MSRA: variants seen among roughly 807,000 people sequenced by gnomAD.
MSRA encodes methionine sulfoxide reductase A.
A neutral mutation model predicts 31.3 loss-of-function variants in MSRA; 54 were observed. That is an observed-to-expected ratio of 1.73 (90% CI 1.39 to 2.17). The LOEUF (loss-of-function observed/expected upper bound fraction) is 2.17, where lower values mean the gene tolerates loss of function less well. MSRA is among the 30% of genes most tolerant of loss of function. The probability of loss-of-function intolerance (pLI) is 0.00; values close to 1 mark genes in which losing one functional copy is unlikely to be tolerated. For missense variants in MSRA, 507 were observed against 300.9 expected, an observed-to-expected ratio of 1.69 and a Z score of -5.07; for synonymous variants, 169 against 116.5, an observed-to-expected ratio of 1.45 and a Z score of -2.90.
chr8:10,256,636 A>C (rs967777203), intron 3 of MSRA, among the ~76,000 whole-genome samples: 4 of 152,112 alleles, frequency 2.6e-5, no homozygotes, highest in Non-Finnish European at 5.9e-5. Flanking sequence ...AAGAATTCAG[A>C]CGGCACCTCT....
At chr8:10,248,534 T>A (rs572280518) in intron 3 of MSRA, among the ~76,000 whole-genome samples, 1 of 152,176 alleles carries the variant, frequency 6.6e-6, no homozygotes, top group South Asian at 2.1e-4. Flanking sequence ...GCTGTGCCAG[T>A]GGGTCTGCAC....
chr8:10,371,253 G>A (rs149730269), intron 5 of MSRA, among the ~76,000 whole-genome samples: 12 of 152,176 alleles, frequency 7.9e-5, no homozygotes, highest in Non-Finnish European at 1.5e-4. Flanking sequence ...GAGCCATCCC[G>A]GCCTCTAGAG....
At chr8:10,094,545 T>G (rs771429448) in intron 1 of MSRA, among the ~76,000 whole-genome samples, 14 of 152,232 alleles carry the variant, frequency 9.2e-5, no homozygotes, top group Non-Finnish European at 1.9e-4. Context: ...CTGAGGAGAT[T>G]AGATAGATTA....
intron 2 of MSRA, among the ~76,000 whole-genome samples, chr8:10,221,086 C>A (rs547726564): frequency 5.2e-4 from 79 of 152,302 alleles, no homozygotes; most frequent in Non-Finnish European, 9.8e-4. Flanking sequence ...GGGGAAAGCC[C>A]AATAGCATGG....
intron 1 of MSRA, 66 bp downstream of exon 1, chr8:10,054,724 AGCGC>A: frequency 1.4e-6 from 2 of 1,382,708 alleles, no homozygotes; most frequent in Non-Finnish European, 1.9e-6. Context: ...GCCCGGCGGC[AGCGC>A]GCCCGCTGCC....
At chr8:10,239,072 A>G (rs1448001738) in intron 2 of MSRA, among the ~76,000 whole-genome samples, 1 of 152,212 alleles carries the variant, frequency 6.6e-6, no homozygotes. Flanking sequence ...AGAAAAATGA[A>G]CAGAGGCACT....
intron 1 of MSRA, among the ~76,000 whole-genome samples, chr8:10,123,732 G>C (rs1015423902): frequency 1.3e-5 from 2 of 151,988 alleles, no homozygotes; most frequent in Non-Finnish European, 2.9e-5. Context: ...CAGTTATCCC[G>C]GCACCATTTA....
chr8:10,154,897 T>G (rs1383705790), intron 1 of MSRA, among the ~76,000 whole-genome samples: 5 of 151,582 alleles, frequency 3.3e-5, no homozygotes, highest in Admixed American at 6.6e-5. Flanking sequence ...AAATGTTCTT[T>G]AATATTGATT....
At chr8:10,104,650 G>C (rs1383639164) in intron 1 of MSRA, among the ~76,000 whole-genome samples, 2 of 152,214 alleles carry the variant, frequency 1.3e-5, no homozygotes, top group Admixed American at 1.3e-4. Flanking sequence ...GCAGGTTTCA[G>C]AGAGAATAGA....
intron 5 of MSRA, among the ~76,000 whole-genome samples, chr8:10,347,209 C>T (rs79564435): frequency 0.013 from 1,955 of 152,296 alleles, 133 homozygotes; most frequent in Admixed American, 0.091. Context: ...TGCACCGTGT[C>T]TGGCTCCAGT....
chr8:10,130,604 G>T (rs181902929), intron 1 of MSRA, among the ~76,000 whole-genome samples: 3 of 152,218 alleles, frequency 2.0e-5, no homozygotes, highest in African/African-American at 7.2e-5. Context: ...AATAATCTTG[G>T]CGTCACTATG....
intron 1 of MSRA, among the ~76,000 whole-genome samples, chr8:10,174,029 A>G (rs1461196368): frequency 1.3e-5 from 2 of 152,162 alleles, no homozygotes; most frequent in Non-Finnish European, 1.5e-5. Context: ...TCTACATGGT[A>G]TCTTCTAGCT....
At chr8:10,405,045 G>T (rs1251378193) in intron 5 of MSRA, among the ~76,000 whole-genome samples, 1 of 152,198 alleles carries the variant, frequency 6.6e-6, no homozygotes, top group Non-Finnish European at 1.5e-5. Context: ...GTTTCCCGGA[G>T]TGTGGTCTGG....
intron 5 of MSRA, among the ~76,000 whole-genome samples, chr8:10,395,523 C>G (rs964986876): frequency 6.6e-6 from 1 of 152,174 alleles, no homozygotes; most frequent in African/African-American, 2.4e-5. Context: ...ATCAGTCTAG[C>G]AGAGGCCAGA....
chr8:10,130,132 A>G (rs552558127), intron 1 of MSRA, among the ~76,000 whole-genome samples: 16 of 152,308 alleles, frequency 1.1e-4, no homozygotes, highest in Admixed American at 2.0e-4. Context: ...GACGCTAAAC[A>G]TTCATCAGAC....
chr8:10,394,220 C>G (rs541901889), intron 5 of MSRA, among the ~76,000 whole-genome samples: 1 of 152,112 alleles, frequency 6.6e-6, no homozygotes, highest in Non-Finnish European at 1.5e-5. Flanking sequence ...TTTATTGTAG[C>G]GAAACCAAAG....
intron 5 of MSRA, among the ~76,000 whole-genome samples, chr8:10,393,702 C>T (rs1236488261): frequency 6.6e-6 from 1 of 152,182 alleles, no homozygotes; most frequent in Admixed American, 6.5e-5. Flanking sequence ...TAGTTTATGA[C>T]CTGCACACGG....
At chr8:10,256,617 A>G (rs1006932861) in intron 3 of MSRA, among the ~76,000 whole-genome samples, 2 of 152,176 alleles carry the variant, frequency 1.3e-5, no homozygotes, top group Admixed American at 6.5e-5. Flanking sequence ...TCTGAGCCAC[A>G]TAAGTAAGAA....
At chr8:10,081,402 G>T (rs1370115587) in intron 1 of MSRA, among the ~76,000 whole-genome samples, 1 of 152,192 alleles carries the variant, frequency 6.6e-6, no homozygotes, top group Non-Finnish European at 1.5e-5. Flanking sequence ...GTGTGTGTGT[G>T]ACTCGGGGAG....
Sources: allele counts gnomAD v4.1 joint callset (sites outside exome capture counted in the v4.1 genomes callset), GRCh38; gene constraint gnomAD v4.1.1; transcripts MANE v1.5; gene names NCBI Gene and HGNC (gene_info 2026-07-23, HGNC 2026-07-21).